The following PCSK5 variants were observed in gnomAD, a reference collection of about 807,000 sequenced individuals.
PCSK5 encodes the protein prohormone convertase 5.
A neutral mutation model predicts 233.2 loss-of-function variants in PCSK5; 129 were observed. That is an observed-to-expected ratio of 0.55 (90% confidence interval 0.48 to 0.64). The LOEUF is 0.64. PCSK5 is among the 30% of genes least tolerant of loss of function. The pLI, the probability that PCSK5 is intolerant of heterozygous loss-of-function variation, is 0.00. For missense variants in PCSK5, 2,076 were observed against 2,430.1 expected (o/e 0.85, Z 3.06); for synonymous variants, 825 against 879.2 (o/e 0.94, Z 1.09).
intron 20 of PCSK5, among the ~76,000 whole-genome samples, chr9:76,207,342 T>A (rs1825158883): frequency 6.6e-6 from 1 of 152,366 alleles, no homozygotes; most frequent in East Asian, 1.9e-4. Context: ...CCACCATTTT[T>A]ACTTCAGTGA....
chr9:76,189,045 C>A, intron 18 of PCSK5, 49 bp from the exon 19 acceptor site: 1 of 1,583,262 alleles, frequency 6.3e-7, no homozygotes, highest in Non-Finnish European at 8.6e-7. Flanking sequence ...ATGACACCAC[C>A]TCCTCTGAGG....
chr9:75,919,439 G>GTTAAAAAA (rs1429316419), intron 1 of PCSK5, among the ~76,000 whole-genome samples: 1 of 152,096 alleles, frequency 6.6e-6, no homozygotes, highest in Non-Finnish European at 1.5e-5. Context: ...TTGAGTGAAC[G>GTTAAAAAA]TTAAGTTTTA....
intron 5 of PCSK5, among the ~76,000 whole-genome samples, chr9:76,037,495 G>A (rs1028103279): frequency 3.9e-5 from 6 of 152,122 alleles, no homozygotes; most frequent in African/African-American, 1.4e-4. Flanking sequence ...GTAAAGATAA[G>A]GTTTTAGTCT....
rs527296097 is a variant in PCSK5, at chr9:75,903,103, G to A, written c.192+11730G>A. ...TAACTATAATTTATTCACATTTCATGTATTCTGCCCTTTAAATACGTATTT... is the reference window on the plus strand; with the variant it reads ...TAACTATAATTTATTCACATTTCATATATTCTGCCCTTTAAATACGTATTT... On this transcript the variant is annotated intron_variant, in intron 1 of 37. Transcript: ENST00000674117. 3.4e-4 allele frequency among the ~76,000 whole-genome samples: 52 copies of A among 152,182 alleles called. No homozygotes were observed. The South Asian group carries it at 9.8e-3, about 29-fold the overall frequency.
rs1387956516 is a variant in PCSK5, at chr9:76,297,116, T to A, written c.3523+251T>A. Among the ~76,000 whole-genome samples the A allele has an allele frequency of 2.0e-5, 3 of 152,140 alleles. No homozygotes were observed. The East Asian group carries it at 5.8e-4, about 29-fold the overall frequency. ...GGCAATTTATAATTAGTCTACCTGC[T>A]TGAGTTTCTACCTGGGTGAAGCAGG... On this transcript the variant is annotated intron_variant, in intron 27 of 37. Transcript: ENST00000674117.
intron 7 of PCSK5, among the ~76,000 whole-genome samples, chr9:76,089,506 A>G (rs1831199716): frequency 1.3e-5 from 2 of 152,186 alleles, no homozygotes; most frequent in South Asian, 2.1e-4. Context: ...ATTTAGTGCT[A>G]TCTACTTTGC....
Position 75,918,228 on chromosome 9 carries a change from G to C in PCSK5, c.193-14151G>C, listed in dbSNP as rs1000633215. 3.3e-5 allele frequency among the ~76,000 whole-genome samples: 5 copies of C among 152,300 alleles called. No individual in the cohort carries two copies. In the South Asian group the frequency reaches 1.0e-3, roughly 32 times the overall value. On this transcript the variant is annotated intron_variant, in intron 1 of 37. Transcript: ENST00000674117. Reference sequence around the variant, plus strand: ...GGTTGGGTATATGCAGGGTATATTTGTGCTTCATCTTGACTGCACAGGTCA... The same window carrying C: ...GGTTGGGTATATGCAGGGTATATTTCTGCTTCATCTTGACTGCACAGGTCA...
intron 5 of PCSK5, among the ~76,000 whole-genome samples, chr9:76,066,078 G>C (rs1305790581): frequency 6.6e-6 from 1 of 151,960 alleles, no homozygotes; most frequent in Non-Finnish European, 1.5e-5. Flanking sequence ...AAAGTCTTCA[G>C]CTTTGTTATT....
At chr9:76,086,135 G>C (rs899389147) in intron 7 of PCSK5, among the ~76,000 whole-genome samples, 6 of 152,090 alleles carry the variant, frequency 3.9e-5, no homozygotes, top group African/African-American at 1.4e-4. Flanking sequence ...TCTGAGCATG[G>C]TTTTGCCTTT....
intron 1 of PCSK5, among the ~76,000 whole-genome samples, chr9:75,894,171 C>G (rs777538636): frequency 5.3e-5 from 8 of 152,118 alleles, no homozygotes; most frequent in Non-Finnish European, 1.0e-4. Context: ...TTTCTGCAGT[C>G]ATTTACTATC....
intron 10 of PCSK5, 27 bp downstream of exon 10, chr9:76,134,239 C>T: frequency 3.7e-6 from 5 of 1,347,086 alleles, no homozygotes; most frequent in Non-Finnish European, 4.2e-6. Context: ...TATTCTGTCA[C>T]AGGCAAAATA....
intron 7 of PCSK5, among the ~76,000 whole-genome samples, chr9:76,081,170 A>G (rs1054674116): frequency 6.6e-6 from 1 of 152,154 alleles, no homozygotes; most frequent in South Asian, 2.1e-4. Context: ...AAAGCATATT[A>G]AGGCTGGGTG....
At chr9:76,354,364 G>C in intron 37 of PCSK5, 145 bp downstream of exon 37, 2 of 624,210 alleles carry the variant, frequency 3.2e-6, no homozygotes, top group Non-Finnish European at 5.6e-6. Context: ...TACTGTACTT[G>C]AAACTTCATG....
intron 37 of PCSK5, 72 bp downstream of exon 37, chr9:76,354,291 G>A (rs917275032): frequency 8.8e-6 from 11 of 1,253,860 alleles, no homozygotes; most frequent in Non-Finnish European, 1.2e-5. Flanking sequence ...CAGAGGGAGG[G>A]GGGGATGGAA....
intron 6 of PCSK5, among the ~76,000 whole-genome samples, chr9:76,070,278 G>A (rs867856053): frequency 2.0e-5 from 3 of 152,258 alleles, no homozygotes; most frequent in South Asian, 2.1e-4. Context: ...GGGATTACAG[G>A]CGTGAGCCAC....
chr9:75,934,576 T>C (rs183778385), intron 2 of PCSK5, among the ~76,000 whole-genome samples: 17 of 141,838 alleles, frequency 1.2e-4, no homozygotes, highest in Admixed American at 8.4e-4. Context: ...AGTTTTTTTG[T>C]TTTTTTTTTT....
At position 76,027,751 on chromosome 9, in the gene PCSK5, A is replaced by G. The variant is rs542442080; in HGVS notation, c.632+714A>G. Among the ~76,000 whole-genome samples, 21 of 152,064 alleles carry G rather than the reference A, an allele frequency of 1.4e-4. 1 individual carries two copies. Among genetic ancestry groups the G allele is most frequent in the Non-Finnish European group, 2.9e-4 (20 of 67,996 alleles). The stretch of plus-strand genomic sequence containing the variant: ...CATAATGACCCAGATTCCTTACAAT[A>G]TTAGTAGACATTTCTAATCTCTAAA... On this transcript the variant is annotated intron_variant, in intron 5 of 37. Transcript: ENST00000674117.
rs897860910 is a variant in PCSK5, at chr9:76,300,507, G to C, written c.3524-1630G>C. On this transcript the variant is annotated intron_variant, in intron 27 of 37. Transcript: ENST00000674117. ...GACAGCTTGAAATTAGCTATGGTGG[G>C]AGTATTTACACCACAGAAATTGGAA... 2.6e-5 allele frequency among the ~76,000 whole-genome samples: 4 copies of C among 152,176 alleles called. No homozygotes were observed. In the East Asian group the frequency reaches 7.7e-4, roughly 29 times the overall value.
At chr9:76,199,471 T>G (rs1406695682) in intron 20 of PCSK5, among the ~76,000 whole-genome samples, 2 of 152,206 alleles carry the variant, frequency 1.3e-5, no homozygotes, top group Admixed American at 1.3e-4. Flanking sequence ...CTTGATATGA[T>G]GTGAGACCTG....
Sources: gnomAD v4.1 joint callset for allele counts (sites outside exome capture counted in the v4.1 genomes callset) on GRCh38, gnomAD v4.1.1 for gene constraint, MANE v1.5 for transcripts, NCBI Gene and HGNC (gene_info 2026-07-23, HGNC 2026-07-21) for gene names.